The following PARP6 variants were observed in gnomAD, a reference collection of about 807,000 sequenced individuals.
PARP6 encodes protein mono-ADP-ribosyltransferase PARP6.
In PARP6, 27 loss-of-function variants were observed where a neutral mutation model predicts 92.0. The ratio of observed to expected loss-of-function variants is 0.29; its 90% CI spans 0.22 to 0.40. PARP6 has a LOEUF of 0.40. Ranked by LOEUF, PARP6 falls within the 10% of genes least tolerant of loss-of-function variation. The pLI, the probability that PARP6 is intolerant of heterozygous loss-of-function variation, is 1.00. For missense variants in PARP6, 501 were observed against 784.5 expected (o/e 0.64, Z 4.32); for synonymous variants, 272 against 281.2 (o/e 0.97, Z 0.33).
At chr15:72,267,942 G>C (rs545849334) in intron 2 of PARP6, among the ~76,000 whole-genome samples, 4 of 152,268 alleles carry the variant, frequency 2.6e-5, no homozygotes, top group East Asian at 1.9e-4. Context: ...AGTAGAGATG[G>C]GGTTTCACCA....
chr15:72,242,118 T>C lies in PARP6; in HGVS notation c.1705+39A>G. 3 of 1,580,978 alleles carry C rather than the reference T, an allele frequency of 1.9e-6. No homozygotes were observed. The highest frequency in any genetic ancestry group is 2.6e-6 in the Non-Finnish European group (3 of 1,149,846). On this transcript the variant is annotated intron_variant, in intron 22 of 23. Coordinates refer to ENST00000569795, the MANE Select transcript of PARP6 (RefSeq NM_001323532.2). The surrounding 1 kb of genome is among the most constrained non-coding windows in gnomAD (Gnocchi z 4.3). Reference sequence around the variant, plus strand: ...CCAAAATTACATCAGAAACAAAGGTTAGAGACCCAGAAAAACAGGACATGG... The same window carrying C: ...CCAAAATTACATCAGAAACAAAGGTCAGAGACCCAGAAAAACAGGACATGG...
chr15:72,248,213 G>A (rs540667139), intron 20 of PARP6, among the ~76,000 whole-genome samples: 5 of 151,884 alleles, frequency 3.3e-5, no homozygotes, highest in African/African-American at 1.2e-4. Context: ...GGACTTTTTT[G>A]GTACTATCTA....
intron 20 of PARP6, among the ~76,000 whole-genome samples, chr15:72,248,073 A>G (rs2083855025): frequency 6.6e-6 from 1 of 152,048 alleles, no homozygotes; most frequent in African/African-American, 2.4e-5. Flanking sequence ...GCCCCGCCTT[A>G]TTACCTTTTT....
At chr15:72,260,342 C>T (rs1424600193) in intron 10 of PARP6, 136 bp downstream of exon 10, 4 of 684,242 alleles carry the variant, frequency 5.8e-6, no homozygotes, top group African/African-American at 5.4e-5. Flanking sequence ...CCATTCTACT[C>T]ACTCATGGTA....
chr15:72,246,038 C>T (rs1596906039), intron 20 of PARP6, among the ~76,000 whole-genome samples: 2 of 152,192 alleles, frequency 1.3e-5, no homozygotes, highest in East Asian at 3.8e-4. Context: ...ACCCTAACCC[C>T]ACTTTGGATG....
chr15:72,250,696 C>A (rs950326091), intron 18 of PARP6, 149 bp downstream of exon 18: 1 of 591,646 alleles, frequency 1.7e-6, no homozygotes, highest in Non-Finnish European at 3.0e-6. Flanking sequence ...ACCTTTTTGT[C>A]CTCTATAGCA....
intron 15 of PARP6, chr15:72,253,935 TGAG>T (rs923017481): frequency 2.3e-6 from 1 of 438,254 alleles, no homozygotes; most frequent in Non-Finnish European, 4.5e-6. Context: ...CAGGATTTGC[TGAG>T]AAGAGGCCCA....
intron 12 of PARP6, among the ~76,000 whole-genome samples, chr15:72,257,826 G>A (rs1336783048): frequency 1.3e-5 from 2 of 152,182 alleles, no homozygotes; most frequent in African/African-American, 2.4e-5. Flanking sequence ...TAAATGTCAG[G>A]TGGACTCTAT....
At chr15:72,254,955 G>A (rs1418581914) in intron 14 of PARP6, among the ~76,000 whole-genome samples, 1 of 152,064 alleles carries the variant, frequency 6.6e-6, no homozygotes, top group Non-Finnish European at 1.5e-5. Flanking sequence ...TGTTTGTGAG[G>A]GTGTTTCTGG....
chr15:72,253,601 T>C (rs893302011), intron 15 of PARP6, 97 bp from the exon 16 acceptor site: 6 of 1,009,702 alleles, frequency 5.9e-6, no homozygotes, highest in Non-Finnish European at 7.6e-6. Flanking sequence ...CAGGGCAAGG[T>C]AGGCACCAAA....
chr15:72,269,763 G>A (rs1381058329), intron 2 of PARP6, among the ~76,000 whole-genome samples: 1 of 151,954 alleles, frequency 6.6e-6, no homozygotes, highest in Non-Finnish European at 1.5e-5. Flanking sequence ...GCAAGGCATG[G>A]TGGTGCACGC....
intron 5 of PARP6, 105 bp downstream of exon 5, chr15:72,265,792 C>A (rs2086505960): frequency 1.3e-6 from 1 of 785,742 alleles, no homozygotes; most frequent in Non-Finnish European, 2.2e-6. Flanking sequence ...TCATTAAGTT[C>A]ATAATTTATC....
chr15:72,256,651 G>C, intron 13 of PARP6, 61 bp from the exon 14 acceptor site: 1 of 1,329,118 alleles, frequency 7.5e-7, no homozygotes, highest in Non-Finnish European at 9.9e-7. Flanking sequence ...CTGGGAGTCA[G>C]AGTACCCAGT....
At chr15:72,246,786 GCT>G (rs2083664486) in intron 20 of PARP6, among the ~76,000 whole-genome samples, 2 of 149,022 alleles carry the variant, frequency 1.3e-5, no homozygotes, top group South Asian at 4.2e-4. Context: ...ATGGAGTCTT[GCT>G]CTGTTACCCA....
chr15:72,250,208 A>C, intron 18 of PARP6, 116 bp from the exon 19 acceptor site: 1 of 706,226 alleles, frequency 1.4e-6, no homozygotes. Context: ...GGACAGGTAC[A>C]CCTAGTGATG....
intron 16 of PARP6, among the ~76,000 whole-genome samples, chr15:72,252,984 G>C (rs2084572988): frequency 1.3e-5 from 2 of 151,700 alleles, no homozygotes; most frequent in South Asian, 4.2e-4. Context: ...GTTCAAGACT[G>C]GCTTGGGCAA....
rs778512003 is a variant in PARP6, at chr15:72,249,292, T to C, written c.1514A>G (p.Lys505Arg). The C allele has an allele frequency of 6.2e-7, 1 of 1,602,774 alleles. No homozygotes were observed. The highest frequency in any genetic ancestry group is 1.3e-5 in the African/African-American group (1 of 74,918). ...KLQLHGAAYG[K>R]GIYLSPISSI... Reference sequence around the variant, plus strand: ...GGAGATGGGGCTCAGGTAGATGCCTTTGCCATAGGCTGCTCCATGCAGCTT... The same window carrying C: ...GGAGATGGGGCTCAGGTAGATGCCTCTGCCATAGGCTGCTCCATGCAGCTT... Residue 505 changes from lysine (K) to arginine (R), a missense_variant, in exon 20 of 24, where the codon AAA (lysine) becomes AGA (arginine). By Grantham distance (26) the Lys-to-Arg change is conservative. Coordinates refer to ENST00000569795, the MANE Select transcript of PARP6 (RefSeq NM_001323532.2).
chr15:72,264,040 A>C (rs2086231742), intron 8 of PARP6, among the ~76,000 whole-genome samples: 1 of 151,086 alleles, frequency 6.6e-6, no homozygotes, highest in Non-Finnish European at 1.5e-5. Flanking sequence ...AAAAAAAAGG[A>C]AATTATTAAT....
At chr15:72,269,426 G>A (rs145674895) in intron 2 of PARP6, among the ~76,000 whole-genome samples, 6 of 152,108 alleles carry the variant, frequency 3.9e-5, no homozygotes, top group African/African-American at 1.2e-4. Context: ...CTCCCAAAGT[G>A]TTGGGATTAC....
Sources: allele counts gnomAD v4.1 joint callset (sites outside exome capture counted in the v4.1 genomes callset), GRCh38; gene constraint gnomAD v4.1.1; non-coding constraint Gnocchi (gnomAD v3.1); transcripts MANE v1.5; gene names NCBI Gene and HGNC (gene_info 2026-07-23, HGNC 2026-07-21).